The following SYN2 variants were observed in gnomAD, a reference collection of about 807,000 sequenced individuals.
SYN2 encodes synapsin-2.
In SYN2, 19 loss-of-function variants were observed where a neutral mutation model predicts 50.9. The ratio of observed to expected loss-of-function variants is 0.37; its 90% confidence interval spans 0.26 to 0.55. The LOEUF (loss-of-function observed/expected upper bound fraction) is 0.55, where lower values mean the gene tolerates loss of function less well. Among genes scored for constraint, SYN2 ranks in the 20% least tolerant of loss-of-function variants. The probability of loss-of-function intolerance (pLI) is 0.81; values close to 1 mark genes in which losing one functional copy is unlikely to be tolerated. For synonymous variants in SYN2, 255 were observed against 224.9 expected (o/e 1.13, Z -1.20); for missense variants, 587 against 576.4 (o/e 1.02, Z -0.19).
At chr3:12,027,001 G>A (rs979697263) in intron 1 of SYN2, among the ~76,000 whole-genome samples, 5 of 152,252 alleles carry the variant, frequency 3.3e-5, no homozygotes, top group South Asian at 2.1e-4. Flanking sequence ...TTGGATATAC[G>A]CGTAATGCTT....
intron 1 of SYN2, among the ~76,000 whole-genome samples, chr3:12,073,158 A>G (rs1013448936): frequency 6.6e-6 from 1 of 152,158 alleles, no homozygotes; most frequent in Non-Finnish European, 1.5e-5. Context: ...GTTTTCCCTT[A>G]GTTCTACATG....
At chr3:12,184,849 G>A (rs1698305847) in intron 11 of SYN2, 6 of 985,706 alleles carry the variant, frequency 6.1e-6, no homozygotes, top group Non-Finnish European at 7.2e-6. Flanking sequence ...CAAACACCAT[G>A]GTCCGTGGAA....
chr3:12,093,883 G>GTCT (rs1695878266), intron 1 of SYN2, among the ~76,000 whole-genome samples: 1 of 144,712 alleles, frequency 6.9e-6, no homozygotes, highest in Admixed American at 7.0e-5. Context: ...TTGAGATGGA[G>GTCT]TCTTGCTCTG....
At chr3:12,140,989 C>T (rs1256918040) in intron 2 of SYN2, among the ~76,000 whole-genome samples, 1 of 152,040 alleles carries the variant, frequency 6.6e-6, no homozygotes, top group Non-Finnish European at 1.5e-5. Flanking sequence ...GTGTAAGGTT[C>T]CCAGACTGAG....
Position 12,187,508 on chromosome 3 carries a change from C to T in SYN2, c.1509C>T (p.Gly503=), listed in dbSNP as rs779946164. Residue 503 remains glycine, a synonymous_variant, in exon 12 of 13, where the codon GGC becomes GGT. Coordinates refer to ENST00000621198, the MANE Select transcript of SYN2 (RefSeq NM_133625.6). ...SSSSAPQRPG[G]PTTHGDAPSS... is the part of the protein sequence containing the mutation. ...CCTCGGCTCCTCAGCGGCCGGGCGG[C>T]CCCACCACCCACGGAGATGCACCCT... 1 of 1,553,456 alleles carries T rather than the reference C, an allele frequency of 6.4e-7. No individual in the cohort carries two copies. Among genetic ancestry groups the T allele is most frequent in the Non-Finnish European group, 8.7e-7 (1 of 1,147,782 alleles).
chr3:12,137,459 A>G (rs1696919038), intron 1 of SYN2, among the ~76,000 whole-genome samples: 1 of 152,212 alleles, frequency 6.6e-6, no homozygotes, highest in Admixed American at 6.5e-5. Context: ...CACTTCTGTC[A>G]TAAATTATTC....
chr3:12,079,282 A>G (rs912705651), intron 1 of SYN2, among the ~76,000 whole-genome samples: 3 of 152,150 alleles, frequency 2.0e-5, no homozygotes, highest in African/African-American at 7.2e-5. Context: ...TTCCCGTTTG[A>G]ATATCCTTTT....
At chr3:12,095,857 A>G (rs909470816) in intron 1 of SYN2, among the ~76,000 whole-genome samples, 1 of 152,098 alleles carries the variant, frequency 6.6e-6, no homozygotes, top group Middle Eastern at 3.4e-3. Context: ...TCTTGGTCTT[A>G]ATGACTTCCC....
intron 1 of SYN2, among the ~76,000 whole-genome samples, chr3:12,137,065 G>A (rs1030683761): frequency 6.6e-6 from 1 of 152,032 alleles, no homozygotes; most frequent in Non-Finnish European, 1.5e-5. Context: ...GGACAACATA[G>A]TGAAACCTTG....
At chr3:12,153,397 G>A in intron 5 of SYN2, 4 of 1,199,436 alleles carry the variant, frequency 3.3e-6, no homozygotes, top group Non-Finnish European at 4.9e-6. Context: ...CTGTCCACTT[G>A]GCACTTCTTA....
chr3:12,028,393 TAA>T (rs1199459629), intron 1 of SYN2, among the ~76,000 whole-genome samples: 1 of 147,572 alleles, frequency 6.8e-6, no homozygotes, highest in Admixed American at 6.7e-5. Context: ...ATATACCCAG[TAA>T]TGGGATGGCT....
chr3:12,162,914 A>C (rs1329025592), intron 7 of SYN2, among the ~76,000 whole-genome samples: 1 of 152,208 alleles, frequency 6.6e-6, no homozygotes, highest in Non-Finnish European at 1.5e-5. Flanking sequence ...GTGGCTTATA[A>C]TTCCAATTTT....
intron 1 of SYN2, among the ~76,000 whole-genome samples, chr3:12,049,369 T>C (rs756766348): frequency 4.0e-5 from 6 of 151,806 alleles, no homozygotes; most frequent in Admixed American, 2.0e-4. Context: ...AATACAAAAA[T>C]TAGCCTGGTG....
chr3:12,081,241 C>T (rs1266659072), intron 1 of SYN2, among the ~76,000 whole-genome samples: 1 of 152,110 alleles, frequency 6.6e-6, no homozygotes, highest in East Asian at 1.9e-4. Flanking sequence ...TAATGCATTG[C>T]TGTAAGAATG....
intron 1 of SYN2, among the ~76,000 whole-genome samples, chr3:12,131,945 ACT>A (rs1396909133): frequency 1.3e-5 from 2 of 148,634 alleles, no homozygotes; most frequent in Non-Finnish European, 3.0e-5. Context: ...CAAGCCTAGG[ACT>A]CTGTATTAGA....
rs1309321491 is a variant in SYN2, at chr3:12,168,317, A to G, written c.1056-59A>G. On this transcript the variant is annotated intron_variant, in intron 8 of 12. Transcript: ENST00000621198. ...GGCAGCAAGGAGAGCCTGACTGGCA[A>G]GCAAGCTTTGTGGTGAGCGAATTGC... 7.6e-6 allele frequency: 11 copies of G among 1,445,974 alleles called. No individual in the cohort carries two copies. In the East Asian group the frequency reaches 2.6e-4, roughly 34 times the overall value. The allele number at this position is 1,445,974 out of a possible 1,614,324, so 89.6% of individuals were successfully genotyped here. A position where few individuals can be genotyped will look rare whatever the true frequency, so the allele number is the denominator to read the frequency against.
intron 2 of SYN2, 106 bp downstream of exon 2, chr3:12,140,814 T>C (rs966775714): frequency 4.4e-5 from 31 of 712,028 alleles, no homozygotes; most frequent in Non-Finnish European, 6.5e-5. Context: ...TGTCCATCAT[T>C]GGGTTCTGGA....
rs1322695253 is a variant in SYN2, at chr3:12,191,650, C to T, written c.*1025C>T. 6.6e-6 allele frequency among the ~76,000 whole-genome samples: 1 copy of T among 152,194 alleles called. No homozygotes were observed. Among genetic ancestry groups the T allele is most frequent in the Non-Finnish European group, 1.5e-5 (1 of 68,026 alleles). On this transcript the variant is annotated 3_prime_UTR_variant, in exon 13 of 13. Coordinates refer to ENST00000621198, the MANE Select transcript of SYN2 (RefSeq NM_133625.6). ...CGCACCTCCCCAGTGAATCTGTCTC[C>T]TCCAAGACACCTAGCCTTCCTTCAG...
rs539289186 is a variant in SYN2 at position 12,040,100 on chromosome 3, G to A, written c.377+35172G>A. On this transcript the variant is annotated intron_variant, in intron 1 of 12. Transcript: ENST00000621198. Reference sequence around the variant, plus strand: ...CATAAATTGGTGATTTGGGAGATTTGTGTCCATGTTTGAGGAGGAGAGACT... The same window carrying A: ...CATAAATTGGTGATTTGGGAGATTTATGTCCATGTTTGAGGAGGAGAGACT... 6.6e-5 allele frequency among the ~76,000 whole-genome samples: 10 copies of A among 152,292 alleles called. No homozygotes were observed. The East Asian group carries it at 1.9e-3, about 29-fold the overall frequency.
Sources: gnomAD v4.1 joint callset for allele counts (sites outside exome capture counted in the v4.1 genomes callset) on GRCh38, gnomAD v4.1.1 for gene constraint, MANE v1.5 for transcripts, NCBI Gene and HGNC (gene_info 2026-07-23, HGNC 2026-07-21) for gene names.